The following ARHGEF7 variants were observed in gnomAD, a reference collection of about 807,000 sequenced individuals.
ARHGEF7 encodes the protein PAK-interacting exchange factor beta.
In ARHGEF7, 33 loss-of-function variants were observed where a neutral mutation model predicts 109.8. The observed-to-expected ratio is 0.30, with a 90% CI of 0.23 to 0.40. ARHGEF7 has a LOEUF of 0.40. Ranked by LOEUF, ARHGEF7 falls within the 10% of genes least tolerant of loss-of-function variation. The probability of loss-of-function intolerance (pLI) is 1.00; values close to 1 mark genes in which losing one functional copy is unlikely to be tolerated. For synonymous variants in ARHGEF7, 458 were observed against 424.6 expected (o/e 1.08, Z -0.97); for missense variants, 938 against 1,098.5 (o/e 0.85, Z 2.07).
At chr13:111,140,582 G>GGGT in intron 1 of ARHGEF7, among the ~76,000 whole-genome samples, 1 of 152,296 alleles carries the variant, frequency 6.6e-6, no homozygotes, top group Middle Eastern at 3.4e-3. Context: ...AGAGTGGGGA[G>GGGT]GGTGGTAGCT....
intron 1 of ARHGEF7, 33 bp downstream of exon 1, chr13:111,115,724 C>A (rs754767537): frequency 7.2e-6 from 8 of 1,116,110 alleles, no homozygotes; most frequent in Non-Finnish European, 8.8e-6. Context: ...GCCCGCGCCC[C>A]CCGGTCCGGC....
intron 2 of ARHGEF7, among the ~76,000 whole-genome samples, chr13:111,176,929 G>A (rs1168476064): frequency 6.6e-6 from 1 of 152,148 alleles, no homozygotes; most frequent in Non-Finnish European, 1.5e-5. Flanking sequence ...ACTAATTTTT[G>A]TATTTTTAAT....
chr13:111,292,979 C>G (rs1040067311), intron 19 of ARHGEF7: 2 of 985,440 alleles, frequency 2.0e-6, no homozygotes, highest in African/African-American at 1.7e-5. Context: ...GCGTTGTGGC[C>G]GTGAAGTGGG....
chr13:111,207,203 C>G (rs952876968), intron 3 of ARHGEF7, among the ~76,000 whole-genome samples: 1 of 152,144 alleles, frequency 6.6e-6, no homozygotes, highest in African/African-American at 2.4e-5. Flanking sequence ...GGGTCTTGCT[C>G]TGTCGTCCAC....
chr13:111,226,460 G>A (rs1300465473), intron 5 of ARHGEF7, among the ~76,000 whole-genome samples: 4 of 152,296 alleles, frequency 2.6e-5, no homozygotes, highest in South Asian at 2.1e-4. Context: ...GAAAATCCTA[G>A]TACCCTTAAG....
chr13:111,166,714 C>G (rs951657732), intron 2 of ARHGEF7, among the ~76,000 whole-genome samples: 4 of 152,162 alleles, frequency 2.6e-5, no homozygotes, highest in Non-Finnish European at 5.9e-5. Context: ...TCTGGCAGGG[C>G]CAGATGTGGG....
At chr13:111,157,297 T>G (rs940065337) in intron 2 of ARHGEF7, among the ~76,000 whole-genome samples, 3 of 152,244 alleles carry the variant, frequency 2.0e-5, no homozygotes, top group African/African-American at 7.2e-5. Context: ...AAATTTTTTT[T>G]TTTTTTCCAG....
chr13:111,115,587 A>C lies in ARHGEF7; in HGVS notation c.61A>C (p.Lys21Gln). ...CACTCTGGGGGTGCTGGAGTCGCCCAAAAAAACCATCTCGGACCCGGAGGG... is the reference window on the plus strand; with the variant it reads ...CACTCTGGGGGTGCTGGAGTCGCCCCAAAAAACCATCTCGGACCCGGAGGG... ...LITLGVLESP[K>Q]KTISDPEGFL... Residue 21 changes from lysine (K) to glutamine (Q), a missense_variant, in exon 1 of 22, where the codon AAA (lysine) becomes CAA (glutamine). By Grantham distance (53) the Lys-to-Gln change is moderately conservative. Around this residue, in one of 4 missense-constraint regions of ARHGEF7, gnomAD observed 165 missense variants for 125.8 expected, o/e 1.31. Coordinates refer to ENST00000646102, the MANE Select transcript of ARHGEF7 (RefSeq NM_001354046.2). The C allele has an allele frequency of 2.8e-6, 4 of 1,409,012 alleles. No individual in the cohort carries two copies. Among genetic ancestry groups the C allele is most frequent in the East Asian group, 3.3e-5 (1 of 30,562 alleles). The allele number at this position is 1,409,012 out of a possible 1,614,324, so 87.3% of individuals were successfully genotyped here.
At position 111,298,817 on chromosome 13, in the gene ARHGEF7, C is replaced by T. The variant is rs141527957; in HGVS notation, c.2312-1931C>T. ...AGCTGGTAGCACAGTGGAGACACAA[C>T]AGCATGAGGGGGAGGGAGGGTCGCC... On this transcript the variant is annotated intron_variant, in intron 19 of 21. Transcript: ENST00000646102. 1.2e-3 allele frequency among the ~76,000 whole-genome samples: 177 copies of T among 152,320 alleles called. 5 individuals carry two copies. The highest frequency in any genetic ancestry group is 0.011 in the South Asian group (55 of 4,824).
rs1038987022 is a variant in ARHGEF7 at position 111,214,959 on chromosome 13, GT to G, written c.469-2710del. On this transcript the variant is annotated intron_variant, in intron 4 of 21. Coordinates refer to ENST00000646102, the MANE Select transcript of ARHGEF7 (RefSeq NM_001354046.2). ...CTTTGATGCTTTACCTTTTAAAAAT[GT>G]TTTTTTTTTCAGTGATTTATACATT... Among the ~76,000 whole-genome samples, 66 of 147,754 alleles carry G rather than the reference GT, an allele frequency of 4.5e-4. 1 individual carries two copies. The highest frequency in any genetic ancestry group is 1.2e-3 in the African/African-American group (50 of 40,338).
At chr13:111,158,418 T>G (rs141963385) in intron 2 of ARHGEF7, among the ~76,000 whole-genome samples, 1 of 152,260 alleles carries the variant, frequency 6.6e-6, no homozygotes, top group Non-Finnish European at 1.5e-5. Context: ...GGAATAGTTA[T>G]GTTTGATATG....
At chr13:111,249,373 C>G (rs1280733802) in intron 8 of ARHGEF7, among the ~76,000 whole-genome samples, 1 of 151,914 alleles carries the variant, frequency 6.6e-6, no homozygotes, top group Non-Finnish European at 1.5e-5. Context: ...GAGGACGTGC[C>G]AGGTAACAGG....
In ARHGEF7 at chr13:111,301,841, G is replaced by A. The variant is rs777914071; in HGVS notation, c.2466+309G>A. ...TAGGAGGCGGAGGTTGCTGTGAGCC[G>A]AGATTGTGCCACTGCACTCCAGTCT... On this transcript the variant is annotated intron_variant, in intron 21 of 21. Transcript: ENST00000646102. Among the ~76,000 whole-genome samples, 6 of 152,152 alleles carry A rather than the reference G, an allele frequency of 3.9e-5. No homozygotes were observed. The South Asian group carries it at 6.2e-4, about 16-fold the overall frequency.
At chr13:111,210,251 G>C (rs758234921) in intron 4 of ARHGEF7, among the ~76,000 whole-genome samples, 1 of 152,138 alleles carries the variant, frequency 6.6e-6, no homozygotes, top group Non-Finnish European at 1.5e-5. Context: ...CTCATGACTC[G>C]ATATCTGGAG....
chr13:111,187,722 C>T (rs2079411740), intron 2 of ARHGEF7, among the ~76,000 whole-genome samples: 1 of 152,212 alleles, frequency 6.6e-6, no homozygotes, highest in Non-Finnish European at 1.5e-5. Context: ...TGGGGTGAGG[C>T]AAAGTCACTA....
chr13:111,286,179 G>T lies in ARHGEF7; in HGVS notation c.1983G>T (p.Lys661Asn). ...GTAAGAGCCCTAAGACCATGAAAAAGCTGCTGCCCAAGCGCAAACCTGAAC... is the reference window on the plus strand; with the variant it reads ...GTAAGAGCCCTAAGACCATGAAAAATCTGCTGCCCAAGCGCAAACCTGAAC... The part of the protein sequence containing the change: ...DLSKSPKTMK[K>N]LLPKRKPERK... The change falls in exon 17 of 22, where the codon AAG becomes AAT. Residue 661 changes from lysine (K) to asparagine (N), a missense_variant. This residue lies in a region of ARHGEF7 where 585 missense variants were observed against 723.6 expected (regional missense o/e 0.81). Coordinates refer to ENST00000646102, the MANE Select transcript of ARHGEF7 (RefSeq NM_001354046.2). 1 of 1,614,028 alleles carries T rather than the reference G, an allele frequency of 6.2e-7. No individual in the cohort carries two copies. Among genetic ancestry groups the T allele is most frequent in the Non-Finnish European group, 8.5e-7 (1 of 1,179,974 alleles).
intron 9 of ARHGEF7, among the ~76,000 whole-genome samples, chr13:111,268,078 A>G (rs2091820389): frequency 6.6e-6 from 1 of 152,256 alleles, no homozygotes; most frequent in Non-Finnish European, 1.5e-5. Context: ...ACAAAACATT[A>G]CATTGGAGAC....
intron 1 of ARHGEF7, among the ~76,000 whole-genome samples, chr13:111,118,502 T>C (rs2153310152): frequency 6.6e-6 from 1 of 152,324 alleles, no homozygotes; most frequent in South Asian, 2.1e-4. Flanking sequence ...CTTCTCTGTA[T>C]CTGGAGATCC....
intron 5 of ARHGEF7, among the ~76,000 whole-genome samples, chr13:111,220,124 A>G (rs368304922): frequency 6.0e-4 from 92 of 152,280 alleles, no homozygotes; most frequent in African/African-American, 2.0e-3. Flanking sequence ...GCCCAGCCCC[A>G]CCAGTTGGAG....
Sources: gnomAD v4.1 joint callset for allele counts (sites outside exome capture counted in the v4.1 genomes callset) on GRCh38, gnomAD v4.1.1 for gene constraint, gnomAD v4.1.1 regional missense constraint, MANE v1.5 for transcripts, NCBI Gene and HGNC (gene_info 2026-07-23, HGNC 2026-07-21) for gene names.